KLRD1: variants seen among roughly 807,000 people sequenced by gnomAD.
KLRD1 encodes the protein natural killer cells antigen CD94.
In KLRD1, 21 loss-of-function variants were observed where a neutral mutation model predicts 22.6. The observed-to-expected ratio is 0.93, with a 90% confidence interval of 0.66 to 1.34. The LOEUF (loss-of-function observed/expected upper bound fraction) is 1.34, where lower values mean the gene tolerates loss of function less well. Ranked by LOEUF, KLRD1 falls within the 40% of genes most tolerant of loss-of-function variation. KLRD1 has a pLI of 0.00. For missense variants in KLRD1, 183 were observed against 208.6 expected (o/e 0.88, Z 0.76); for synonymous variants, 59 against 71.1 (o/e 0.83, Z 0.85).
intron 1 of KLRD1, among the ~76,000 whole-genome samples, chr12:10,256,735 C>A (rs1019696831): frequency 1.3e-5 from 2 of 151,884 alleles, no homozygotes; most frequent in African/African-American, 4.8e-5. Flanking sequence ...AAATTACACA[C>A]CAAAATCTTA....
At chr12:10,249,350 CAA>C (rs1949323724) in intron 1 of KLRD1, among the ~76,000 whole-genome samples, 1 of 152,132 alleles carries the variant, frequency 6.6e-6, no homozygotes, top group Non-Finnish European at 1.5e-5. Context: ...GAATTGCAAA[CAA>C]AGAAGACAGA....
At chr12:10,305,918 T>C (rs1294472695), upstream of KLRD1, among the ~76,000 whole-genome samples, 1 of 152,044 alleles carries the variant, frequency 6.6e-6, no homozygotes, top group South Asian at 2.1e-4. Flanking sequence ...ATCCCAGCAC[T>C]TTGGGAGGCC....
intron 1 of KLRD1, among the ~76,000 whole-genome samples, chr12:10,291,572 C>T (rs963869645): frequency 2.6e-5 from 4 of 151,808 alleles, no homozygotes; most frequent in African/African-American, 9.7e-5. Context: ...CAGTTCCTCA[C>T]CCATGAAAGC....
chr12:10,254,749 C>T (rs968263722), intron 1 of KLRD1, among the ~76,000 whole-genome samples: 3 of 151,790 alleles, frequency 2.0e-5, no homozygotes, highest in African/African-American at 7.3e-5. Context: ...AAAAATTAGC[C>T]AAGCGTGGTG....
At chr12:10,249,087 C>T (rs3898122) in intron 1 of KLRD1, among the ~76,000 whole-genome samples, 27,740 of 151,910 alleles carry the variant, frequency 0.18, 2,919 homozygotes, top group Non-Finnish European at 0.24. Flanking sequence ...CTATATACGA[C>T]GGATAATGTG....
chr12:10,260,362 T>C (rs1190049517), intron 1 of KLRD1, among the ~76,000 whole-genome samples: 1 of 152,172 alleles, frequency 6.6e-6, no homozygotes, highest in East Asian at 1.9e-4. Flanking sequence ...TCAACAGTTA[T>C]ATATGATACA....
intron 1 of KLRD1, among the ~76,000 whole-genome samples, chr12:10,250,424 CT>C (rs1949335674): frequency 6.6e-6 from 1 of 152,046 alleles, no homozygotes; most frequent in Non-Finnish European, 1.5e-5. Flanking sequence ...AGAACATCTG[CT>C]TCTGTGTCAC....
Position 10,322,807 on chromosome 12 carries a change from C to G in KLRD1, c.*8014C>G, listed in dbSNP as rs928114019. 6 of 152,160 alleles carry G rather than the reference C, an allele frequency of 3.9e-5. No individual in the cohort carries two copies. The highest frequency in any genetic ancestry group is 1.4e-4 in the African/African-American group (6 of 41,430). 9.4% of individuals were successfully genotyped at this position (152,160 alleles called of 1,614,324 possible). On this transcript the variant is annotated 3_prime_UTR_variant, in exon 6 of 6. Transcript: ENST00000336164. ...TAGAGACTACCTACCACCACCAAGA[C>G]TCTCTTGCTGTTTGCTAATTGATAC...
chr12:10,281,868 G>A (rs1342354827), intron 1 of KLRD1, among the ~76,000 whole-genome samples: 1 of 152,156 alleles, frequency 6.6e-6, no homozygotes, highest in Non-Finnish European at 1.5e-5. Context: ...ATCCAATTTA[G>A]AGGGAAATTG....
chr12:10,300,220 A>G (rs1949855371), upstream of KLRD1, among the ~76,000 whole-genome samples: 1 of 152,218 alleles, frequency 6.6e-6, no homozygotes, highest in Non-Finnish European at 1.5e-5. Flanking sequence ...CAGAACCATC[A>G]GAGGAATCCC....
chr12:10,252,883 T>G (rs1207808830), intron 1 of KLRD1, among the ~76,000 whole-genome samples: 1 of 151,650 alleles, frequency 6.6e-6, no homozygotes, highest in East Asian at 1.9e-4. Context: ...GAGTTGTGAC[T>G]TGGGCCTAGA....
chr12:10,321,908 A>G lies in KLRD1; in HGVS notation c.*7115A>G, dbSNP rs1347884842. 1 of 152,232 alleles carries G rather than the reference A, an allele frequency of 6.6e-6. No homozygotes were observed. The highest frequency in any genetic ancestry group is 2.4e-5 in the African/African-American group (1 of 41,450). The allele number at this position is 152,232 out of a possible 1,614,324, so 9.4% of individuals were successfully genotyped here. On this transcript the variant is annotated 3_prime_UTR_variant, in exon 6 of 6. Coordinates refer to ENST00000336164, the MANE Select transcript of KLRD1 (RefSeq NM_002262.5). ...ATCCTGAGCTAGAACCACCTAGCAC[A>G]GTTGCTCTTGATTTCTGACCTCAGA...
intron 1 of KLRD1, among the ~76,000 whole-genome samples, chr12:10,264,203 C>A (rs1949479234): frequency 6.6e-6 from 1 of 152,064 alleles, no homozygotes; most frequent in African/African-American, 2.4e-5. Flanking sequence ...CTGAAGGTTT[C>A]CCTTCTAATT....
intron 1 of KLRD1, among the ~76,000 whole-genome samples, chr12:10,260,371 C>T (rs753336301): frequency 4.0e-5 from 6 of 151,898 alleles, no homozygotes; most frequent in Non-Finnish European, 5.9e-5. Context: ...ATATATGATA[C>T]ACCTAACTTG....
intron 1 of KLRD1, among the ~76,000 whole-genome samples, chr12:10,239,469 C>CCTTCCTT (rs1949216719): frequency 8.2e-6 from 1 of 122,242 alleles, no homozygotes; most frequent in Non-Finnish European, 1.7e-5. Flanking sequence ...TTCCTTCCTT[C>CCTTCCTT]CTTCCTTCCT....
chr12:10,293,182 A>ATATATATATATATATATATATATAT (rs1290502685), intron 1 of KLRD1, among the ~76,000 whole-genome samples: 5 of 135,822 alleles, frequency 3.7e-5, no homozygotes, highest in African/African-American at 5.2e-5. Context: ...ATATACACAT[A>ATATATATATATATATATATATATAT]ATTCGCATGC....
At chr12:10,282,748 A>G (rs1431592445) in intron 1 of KLRD1, among the ~76,000 whole-genome samples, 3 of 152,186 alleles carry the variant, frequency 2.0e-5, no homozygotes, top group East Asian at 3.8e-4. Flanking sequence ...AAGGCATTCC[A>G]AAGGAGGTGT....
chr12:10,305,555 T>C (rs1290519229), upstream of KLRD1, among the ~76,000 whole-genome samples: 1 of 152,172 alleles, frequency 6.6e-6, no homozygotes, highest in African/African-American at 2.4e-5. Flanking sequence ...AACACAATGT[T>C]CAGAATTACC....
intron 1 of KLRD1, among the ~76,000 whole-genome samples, chr12:10,299,417 G>A (rs1254739410): frequency 1.3e-5 from 2 of 152,128 alleles, no homozygotes; most frequent in Non-Finnish European, 2.9e-5. Context: ...GGTTTGATTA[G>A]AGAACACCAC....
Sources: allele counts gnomAD v4.1 joint callset (sites outside exome capture counted in the v4.1 genomes callset), GRCh38; gene constraint gnomAD v4.1.1; transcripts MANE v1.5; gene names NCBI Gene and HGNC (gene_info 2026-07-23, HGNC 2026-07-21).